ZNF407: variants seen among roughly 807,000 people sequenced by gnomAD.
The protein encoded by ZNF407 is zinc finger protein 407.
ZNF407 carries 17 observed loss-of-function variants against 131.2 expected under a neutral mutation model. The ratio of observed to expected loss-of-function variants is 0.13; its 90% CI spans 0.09 to 0.19. The LOEUF (loss-of-function observed/expected upper bound fraction) is 0.19. ZNF407 is among the 10% of genes least tolerant of loss of function. The pLI is 1.00. For synonymous variants in ZNF407, 1,156 were observed against 1,062.0 expected, an observed-to-expected ratio of 1.09 and a Z score of -1.72; for missense variants, 2,681 against 2,830.6, an observed-to-expected ratio of 0.95 and a Z score of 1.20.
intron 1 of ZNF407, among the ~76,000 whole-genome samples, chr18:74,618,493 C>T (rs1983403621): frequency 6.6e-6 from 1 of 152,184 alleles, no homozygotes; most frequent in Non-Finnish European, 1.5e-5. Context: ...TAAAACAAGT[C>T]ACCTTCTGAT....
At chr18:74,808,071 T>C (rs1970139770) in intron 4 of ZNF407, among the ~76,000 whole-genome samples, 1 of 152,076 alleles carries the variant, frequency 6.6e-6, no homozygotes, top group African/African-American at 2.4e-5. Context: ...TGGAGTTCGA[T>C]GGCGCGATCT....
At chr18:74,717,582 A>G (rs1967925599) in intron 3 of ZNF407, among the ~76,000 whole-genome samples, 1 of 152,236 alleles carries the variant, frequency 6.6e-6, no homozygotes, top group Non-Finnish European at 1.5e-5. Flanking sequence ...CATTGTTTAT[A>G]GTAAACCTGT....
At chr18:74,983,815 A>T (rs1435738085) in intron 8 of ZNF407, among the ~76,000 whole-genome samples, 1 of 152,168 alleles carries the variant, frequency 6.6e-6, no homozygotes, top group Admixed American at 6.5e-5. Flanking sequence ...GGAGCCTAAG[A>T]GGAGAAAGGA....
intron 8 of ZNF407, among the ~76,000 whole-genome samples, chr18:75,037,731 G>T (rs1473632546): frequency 1.3e-5 from 2 of 152,134 alleles, no homozygotes; most frequent in Admixed American, 6.5e-5. Context: ...CTGAGCATTT[G>T]CCATGAAAGA....
rs1472489472 is a variant in ZNF407, at chr18:75,048,537, C to T, written c.5429-14613C>T. On this transcript the variant is annotated intron_variant, in intron 8 of 8. Transcript: ENST00000299687. This position sits in a 1 kb window ranked among gnomAD's most constrained non-coding sequence, Gnocchi z 4.1. ...CTCATCATAGCCAGAAATTTCCAAC[C>T]CAGCCTAGCCTTCCCCTGGCCTGAA... is the stretch of plus-strand genomic sequence containing the variant. Among the ~76,000 whole-genome samples, 1 of 152,120 alleles carries T rather than the reference C, an allele frequency of 6.6e-6. No homozygotes were observed. Among genetic ancestry groups the T allele is most frequent in the Non-Finnish European group, 1.5e-5 (1 of 68,044 alleles).
At chr18:74,885,731 A>G (rs925163499) in intron 6 of ZNF407, among the ~76,000 whole-genome samples, 4 of 152,308 alleles carry the variant, frequency 2.6e-5, no homozygotes, top group Admixed American at 6.5e-5. Flanking sequence ...AGTCTTTTCA[A>G]CATTCTATGT....
chr18:74,657,515 C>T (rs939673675), intron 3 of ZNF407, among the ~76,000 whole-genome samples: 1 of 152,050 alleles, frequency 6.6e-6, no homozygotes. Context: ...GTTACTTAAC[C>T]ATTCGTCTCC....
At chr18:74,946,282 C>T (rs1364370410) in intron 8 of ZNF407, among the ~76,000 whole-genome samples, 1 of 152,118 alleles carries the variant, frequency 6.6e-6, no homozygotes, top group Non-Finnish European at 1.5e-5. Context: ...TTTTCAAATT[C>T]CACAAAGCGA....
chr18:74,747,310 G>A (rs1335431558), intron 3 of ZNF407, among the ~76,000 whole-genome samples: 1 of 152,118 alleles, frequency 6.6e-6, no homozygotes, highest in African/African-American at 2.4e-5. Context: ...ATTTCCGGAA[G>A]GGAATTACAT....
Position 74,635,179 on chromosome 18 carries a change from G to A in ZNF407, c.4160G>A (p.Ser1387Asn). 6.2e-7 allele frequency: 1 copy of A among 1,613,998 alleles called. No homozygotes were observed. Among genetic ancestry groups the A allele is most frequent in the South Asian group, 1.1e-5 (1 of 91,090 alleles). The change falls in exon 2 of 9, where the codon AGT becomes AAT. Residue 1387 changes from serine to asparagine, a missense_variant. Physicochemically the swap from Ser to Asn is conservative, Grantham distance 46 (BLOSUM62 1). Coordinates refer to ENST00000299687, the MANE Select transcript of ZNF407 (RefSeq NM_017757.3). This position sits in a 1 kb window ranked among gnomAD's most constrained non-coding sequence, Gnocchi z 4.7. ...EGLIATGVRI[S>N]ELPLKDCAQG... Reference sequence around the variant, plus strand: ...TTGATAGCAACGGGAGTGAGAATTAGTGAGCTGCCCTTGAAAGACTGTGCT... The same window carrying A: ...TTGATAGCAACGGGAGTGAGAATTAATGAGCTGCCCTTGAAAGACTGTGCT...
At chr18:74,804,945 T>G (rs1486097465) in intron 4 of ZNF407, among the ~76,000 whole-genome samples, 1 of 152,234 alleles carries the variant, frequency 6.6e-6, no homozygotes, top group Non-Finnish European at 1.5e-5. Flanking sequence ...CCTGAACACC[T>G]GGGCTGCCAG....
At position 74,804,052 on chromosome 18, in the gene ZNF407, T is replaced by C. The variant is rs376139891; in HGVS notation, c.4877+22550T>C. On this transcript the variant is annotated intron_variant, in intron 4 of 8. Transcript: ENST00000299687. ...GAGTGCCTCTGAAGCCCAAAGTCTT[T>C]GTGAGCACTTTTCATAACTGATGGG... is the stretch of plus-strand genomic sequence containing the variant. 19 of 1,551,498 alleles carry C rather than the reference T, an allele frequency of 1.2e-5. No individual in the cohort carries two copies. The Middle Eastern group carries it at 5.0e-4, about 41-fold the overall frequency.
At chr18:74,989,082 A>G (rs1972687610) in intron 8 of ZNF407, among the ~76,000 whole-genome samples, 1 of 152,234 alleles carries the variant, frequency 6.6e-6, no homozygotes, top group African/African-American at 2.4e-5. Flanking sequence ...TCAAATGTCT[A>G]TCAAAAGATA....
intron 3 of ZNF407, among the ~76,000 whole-genome samples, chr18:74,778,315 G>T (rs772100561): frequency 6.6e-6 from 1 of 152,086 alleles, no homozygotes; most frequent in Non-Finnish European, 1.5e-5. Context: ...CTGAGCAGGG[G>T]TTGCTGGTCC....
At chr18:74,704,771 T>G (rs1455105565) in intron 3 of ZNF407, among the ~76,000 whole-genome samples, 2 of 152,204 alleles carry the variant, frequency 1.3e-5, no homozygotes, top group South Asian at 2.1e-4. Context: ...GTTTCTGCAA[T>G]AAGTGTCTTG....
chr18:74,959,576 A>G (rs778673562), intron 8 of ZNF407, among the ~76,000 whole-genome samples: 12 of 152,182 alleles, frequency 7.9e-5, no homozygotes, highest in Non-Finnish European at 1.3e-4. Flanking sequence ...TTCTATGCCC[A>G]CTTAGAGAAA....
At chr18:74,685,280 A>T in intron 3 of ZNF407, among the ~76,000 whole-genome samples, 1 of 152,318 alleles carries the variant, frequency 6.6e-6, no homozygotes, top group Admixed American at 6.5e-5. Context: ...ATAAATAAGT[A>T]GACATTGAAA....
intron 8 of ZNF407, among the ~76,000 whole-genome samples, chr18:74,986,300 A>G (rs568347244): frequency 1.1e-3 from 166 of 152,252 alleles, no homozygotes; most frequent in African/African-American, 3.7e-3. Flanking sequence ...AGGATGCTAG[A>G]TGCACTGCCA....
intron 3 of ZNF407, among the ~76,000 whole-genome samples, chr18:74,756,075 G>A (rs2144960618): frequency 6.6e-6 from 1 of 151,088 alleles, no homozygotes; most frequent in Admixed American, 6.6e-5. Flanking sequence ...TGTATTTTTA[G>A]TAGAGATGGG....
Sources: allele counts gnomAD v4.1 joint callset (sites outside exome capture counted in the v4.1 genomes callset), GRCh38; gene constraint gnomAD v4.1.1; non-coding constraint Gnocchi (gnomAD v3.1); transcripts MANE v1.5; gene names NCBI Gene and HGNC (gene_info 2026-07-23, HGNC 2026-07-21).